Variants in CAMTA1 observed in about 807,000 individuals in gnomAD.
CAMTA1 encodes calmodulin-binding transcription activator 1.
Under a neutral mutation model 170.9 loss-of-function variants are expected in CAMTA1, and 27 were observed. The ratio of observed to expected loss-of-function variants is 0.16; its 90% CI spans 0.12 to 0.22. CAMTA1 has a LOEUF of 0.22. Among genes scored for constraint, CAMTA1 ranks in the 10% least tolerant of loss-of-function variants. The probability of loss-of-function intolerance (pLI) is 1.00; values close to 1 mark genes in which losing one functional copy is unlikely to be tolerated. For missense variants in CAMTA1, 1,619 were observed against 2,217.2 expected (o/e 0.73, Z 5.42); for synonymous variants, 833 against 891.5 (o/e 0.93, Z 1.17).
In CAMTA1 at chr1:6,825,216, TAA is replaced by T; in HGVS notation, c.234+7_234+8del. 3 of 1,525,072 alleles carry T rather than the reference TAA, an allele frequency of 2.0e-6. No homozygotes were observed. The highest frequency in any genetic ancestry group is 2.7e-6 in the Non-Finnish European group (3 of 1,122,830). 94.5% of individuals were successfully genotyped at this position (1,525,072 alleles called of 1,614,324 possible). ...ACCGCTGGAACACTAATGAGGTAGA[TAA>T]GTTTCTTTTTTTAAGGGTATAATTA... On this transcript the variant is annotated splice_region_variant and intron_variant, in intron 3 of 22. Transcript: ENST00000303635.
intron 5 of CAMTA1, among the ~76,000 whole-genome samples, chr1:7,387,745 G>T (rs1403806031): frequency 6.6e-6 from 1 of 152,230 alleles, no homozygotes; most frequent in Non-Finnish European, 1.5e-5. Flanking sequence ...GACAGGGAAA[G>T]AATTTTGCTT....
intron 6 of CAMTA1, among the ~76,000 whole-genome samples, chr1:7,495,517 G>C (rs548406094): frequency 6.6e-6 from 1 of 152,338 alleles, no homozygotes; most frequent in East Asian, 1.9e-4. Context: ...GCTTGGGCAT[G>C]GCAGGGCCCC....
In CAMTA1 at chr1:7,675,591, G is replaced by A. The variant is rs115161007; in HGVS notation, c.2780-2008G>A. The stretch of plus-strand genomic sequence containing the variant: ...TGGTTTCCTGTAGGGGTGCTGGGCT[G>A]TGGCCCCCGGTGCTGGATTATGGGC... On this transcript the variant is annotated intron_variant, in intron 10 of 22. Coordinates refer to ENST00000303635, the MANE Select transcript of CAMTA1 (RefSeq NM_015215.4). Among the ~76,000 whole-genome samples, 732 of 152,322 alleles carry A rather than the reference G, an allele frequency of 4.8e-3. 4 individuals are homozygous for A. The highest frequency in any genetic ancestry group is 0.014 in the Middle Eastern group (4 of 294).
At chr1:7,220,351 G>A (rs576360966) in intron 4 of CAMTA1, among the ~76,000 whole-genome samples, 1 of 152,342 alleles carries the variant, frequency 6.6e-6, no homozygotes, top group South Asian at 2.1e-4. Flanking sequence ...GGGCCCAGAG[G>A]AATAATGGAA....
chr1:7,349,239 T>G (rs769666746), intron 5 of CAMTA1, among the ~76,000 whole-genome samples: 2 of 152,324 alleles, frequency 1.3e-5, no homozygotes, highest in Non-Finnish European at 1.5e-5. Flanking sequence ...TTATCGCCAT[T>G]CTTTTCTCCA....
intron 4 of CAMTA1, among the ~76,000 whole-genome samples, chr1:7,151,199 G>C (rs1646554794): frequency 1.3e-5 from 2 of 152,196 alleles, no homozygotes; most frequent in Non-Finnish European, 2.9e-5. Context: ...TTCGCGCCTG[G>C]CTCCCTGGCT....
In CAMTA1 at chr1:7,195,859, G is replaced by A. The variant is rs6577418; in HGVS notation, c.303-53632G>A. 0.68 allele frequency among the ~76,000 whole-genome samples: 102,469 copies of A among 151,772 alleles called. 35,622 individuals are homozygous for A. The highest frequency in any genetic ancestry group is 0.85 in the African/African-American group (35,194 of 41,424). On this transcript the variant is annotated intron_variant, in intron 4 of 22. Transcript: ENST00000303635. This position sits in a 1 kb window ranked among gnomAD's most constrained non-coding sequence, Gnocchi z 4.1. ...CATGGTGAAACCCCGTCTCTACTAA[G>A]AATACAAAAATTAGCCAGGCATGGT...
intron 5 of CAMTA1, among the ~76,000 whole-genome samples, chr1:7,417,780 T>C (rs1210108191): frequency 6.6e-6 from 1 of 152,064 alleles, no homozygotes; most frequent in Non-Finnish European, 1.5e-5. Context: ...CCGCACCCAC[T>C]GTCCTGCACC....
At chr1:7,226,633 AG>A (rs971435386) in intron 4 of CAMTA1, among the ~76,000 whole-genome samples, 1 of 152,176 alleles carries the variant, frequency 6.6e-6, no homozygotes, top group African/African-American at 2.4e-5. Flanking sequence ...ATGTACACAT[AG>A]ACATATAGGT....
At chr1:7,011,950 T>G (rs1699868680) in intron 3 of CAMTA1, among the ~76,000 whole-genome samples, 1 of 152,158 alleles carries the variant, frequency 6.6e-6, no homozygotes, top group African/African-American at 2.4e-5. Context: ...TTTCCCCTGA[T>G]GCCCCTGAGA....
chr1:7,083,862 G>A (rs1640360371), intron 3 of CAMTA1, among the ~76,000 whole-genome samples: 1 of 152,050 alleles, frequency 6.6e-6, no homozygotes, highest in Non-Finnish European at 1.5e-5. Flanking sequence ...AAAACCAAGA[G>A]GATTGGAAAC....
At chr1:6,988,605 C>G (rs967176659) in intron 3 of CAMTA1, among the ~76,000 whole-genome samples, 3 of 152,030 alleles carry the variant, frequency 2.0e-5, no homozygotes, top group Non-Finnish European at 4.4e-5. Flanking sequence ...CCCCCCCACC[C>G]CCTACCCCTG....
chr1:7,066,358 A>C (rs1205431522), intron 3 of CAMTA1, among the ~76,000 whole-genome samples: 1 of 152,234 alleles, frequency 6.6e-6, no homozygotes, highest in Non-Finnish European at 1.5e-5. Flanking sequence ...ACAGTGTGGG[A>C]CAAGGCACAC....
chr1:6,971,429 T>C lies in CAMTA1; in HGVS notation c.235-119875T>C, dbSNP rs577891098. Among the ~76,000 whole-genome samples, 1 of 152,342 alleles carries C rather than the reference T, an allele frequency of 6.6e-6. No individual in the cohort carries two copies. Among genetic ancestry groups the C allele is most frequent in the Admixed American group, 6.5e-5 (1 of 15,306 alleles). On this transcript the variant is annotated intron_variant, in intron 3 of 22. Coordinates refer to ENST00000303635, the MANE Select transcript of CAMTA1 (RefSeq NM_015215.4). The surrounding 1 kb of genome is among the most constrained non-coding windows in gnomAD (Gnocchi z 4.6). ...ATAAATAGAAATCCTGAAATTGTGCTATCCCAAACTGTTTGCAAGCCCCTC... is the reference window on the plus strand; with the variant it reads ...ATAAATAGAAATCCTGAAATTGTGCCATCCCAAACTGTTTGCAAGCCCCTC...
intron 11 of CAMTA1, among the ~76,000 whole-genome samples, chr1:7,703,396 G>A (rs998917593): frequency 1.3e-5 from 2 of 152,166 alleles, no homozygotes; most frequent in South Asian, 2.1e-4. Context: ...GGCAGGCTTC[G>A]GAACAGGAGA....
chr1:7,556,555 T>G (rs1489283239), intron 6 of CAMTA1, among the ~76,000 whole-genome samples: 1 of 152,094 alleles, frequency 6.6e-6, no homozygotes, highest in African/African-American at 2.4e-5. Context: ...GCACATCACC[T>G]CGCCAATTCA....
At chr1:6,950,433 C>T (rs1256022835) in intron 3 of CAMTA1, among the ~76,000 whole-genome samples, 1 of 152,198 alleles carries the variant, frequency 6.6e-6, no homozygotes, top group Non-Finnish European at 1.5e-5. Context: ...CCAAGTGCCT[C>T]TGTGCCAGGC....
At chr1:6,849,291 G>C (rs1170545954) in intron 3 of CAMTA1, among the ~76,000 whole-genome samples, 1 of 152,170 alleles carries the variant, frequency 6.6e-6, no homozygotes, top group Non-Finnish European at 1.5e-5. Flanking sequence ...GGAACATCTA[G>C]AGATCCTAGA....
At position 7,757,816 on chromosome 1, in the gene CAMTA1, TTGC is replaced by T. The variant is rs2096942134; in HGVS notation, c.4989+2150_4989+2152del. On this transcript the variant is annotated intron_variant, in intron 22 of 22. Transcript: ENST00000303635. ...CTCATTTATTTAAAACTATAAATAA[TTGC>T]TAAAGGAAAAATTTGTTTTTTGGGG... Among the ~76,000 whole-genome samples, 9 of 152,288 alleles carry T rather than the reference TTGC, an allele frequency of 5.9e-5. No homozygotes were observed. In the South Asian group the frequency reaches 1.7e-3, roughly 28 times the overall value.
Sources: gnomAD v4.1 joint callset for allele counts (sites outside exome capture counted in the v4.1 genomes callset) on GRCh38, gnomAD v4.1.1 for gene constraint, Gnocchi (gnomAD v3.1) non-coding constraint, MANE v1.5 for transcripts, NCBI Gene and HGNC (gene_info 2026-07-23, HGNC 2026-07-21) for gene names.